C14orf132: variants seen among roughly 807,000 people sequenced by gnomAD.
C14orf132 encodes chromosome 14 open reading frame 132.
In C14orf132, 6 loss-of-function variants were observed where a neutral mutation model predicts 5.8. The ratio of observed to expected loss-of-function variants is 1.03; its 90% CI spans 0.57 to 2.04. C14orf132 has a LOEUF of 2.04. Among genes scored for constraint, C14orf132 ranks in the 30% most tolerant of loss-of-function variants. C14orf132 has a pLI of 0.00. For synonymous variants in C14orf132, 51 were observed against 49.8 expected, an observed-to-expected ratio of 1.02 and a Z score of -0.10; for missense variants, 125 against 115.8, an observed-to-expected ratio of 1.08 and a Z score of -0.37.
intron 1 of C14orf132, among the ~76,000 whole-genome samples, chr14:96,071,413 G>C (rs570786685): frequency 1.3e-5 from 2 of 152,108 alleles, no homozygotes; most frequent in East Asian, 3.9e-4. Flanking sequence ...CTCTTCCTCT[G>C]TTGCCCATGT....
Position 96,093,963 on chromosome 14 carries a change from C to T in C14orf132, c.*7228C>T, listed in dbSNP as rs1888500894. On this transcript the variant is annotated 3_prime_UTR_variant, in exon 2 of 2. Transcript: ENST00000555004. ...TACTCAGCTTTAAATGGCTCAGCCC[C>T]AGCGTCACCTCCATTCTGATGCTTT... is the stretch of plus-strand genomic sequence containing the variant. 1 of 152,200 alleles carries T rather than the reference C, an allele frequency of 6.6e-6. No individual in the cohort carries two copies. The highest frequency in any genetic ancestry group is 2.4e-5 in the African/African-American group (1 of 41,430). The allele number at this position is 152,200 out of a possible 1,614,324, so 9.4% of individuals were successfully genotyped here.
intron 1 of C14orf132, chr14:96,051,147 A>G (rs1042742043): frequency 1.0e-5 from 4 of 398,520 alleles, no homozygotes; most frequent in Admixed American, 4.4e-5. Flanking sequence ...GGGGAATAAC[A>G]AGTGAGGATG....
chr14:96,074,593 A>ATTTTTTTTTTTTT, intron 1 of C14orf132, among the ~76,000 whole-genome samples: 1 of 150,850 alleles, frequency 6.6e-6, no homozygotes. Context: ...TTTGTGTAAG[A>ATTTTTTTTTTTTT]GATTGGGTTC....
At chr14:96,073,262 C>T (rs1172232032) in intron 1 of C14orf132, among the ~76,000 whole-genome samples, 1 of 151,950 alleles carries the variant, frequency 6.6e-6, no homozygotes, top group Non-Finnish European at 1.5e-5. Context: ...TGTTTATTTG[C>T]CCTCTGTATA....
rs150225398 is a variant in C14orf132, at chr14:96,049,554, A to G, written c.27+10027A>G. Among the ~76,000 whole-genome samples, 154 of 135,068 alleles carry G rather than the reference A, an allele frequency of 1.1e-3. 5 individuals are homozygous for G. Among genetic ancestry groups the G allele is most frequent in the East Asian group, 9.2e-3 (45 of 4,918 alleles). The allele number at this position is 135,068 out of a possible 152,430, so 88.6% of individuals were successfully genotyped here. On this transcript the variant is annotated intron_variant, in intron 1 of 1. Transcript: ENST00000555004. ...CATATATACATACGTATATATATAC[A>G]TATATACGTATATATACATATATAC... is the stretch of plus-strand genomic sequence containing the variant.
intron 1 of C14orf132, among the ~76,000 whole-genome samples, chr14:96,079,390 T>G (rs1887966548): frequency 6.6e-6 from 1 of 152,228 alleles, no homozygotes; most frequent in Non-Finnish European, 1.5e-5. Flanking sequence ...CTGTGTTGCC[T>G]CTTTCTAGCC....
intron 1 of C14orf132, among the ~76,000 whole-genome samples, chr14:96,046,874 G>T (rs1886845094): frequency 6.6e-6 from 1 of 152,218 alleles, no homozygotes; most frequent in South Asian, 2.1e-4. Context: ...TCCTATTGGA[G>T]AGGTGATTTT....
chr14:96,065,360 A>G (rs1393382841), intron 1 of C14orf132, among the ~76,000 whole-genome samples: 1 of 152,114 alleles, frequency 6.6e-6, no homozygotes. Context: ...GTTTCATGCC[A>G]TGATTACTAC....
intron 1 of C14orf132, among the ~76,000 whole-genome samples, chr14:96,054,180 G>A (rs934988034): frequency 6.6e-6 from 1 of 152,146 alleles, no homozygotes; most frequent in Non-Finnish European, 1.5e-5. Context: ...CTTATGCAGG[G>A]TGAGTCACCC....
At chr14:96,049,253 T>C (rs932173360) in intron 1 of C14orf132, among the ~76,000 whole-genome samples, 1 of 152,168 alleles carries the variant, frequency 6.6e-6, no homozygotes, top group East Asian at 1.9e-4. Context: ...CAGGTTTTTC[T>C]GTGGACATAA....
At chr14:96,084,074 A>C (rs566673817) in intron 1 of C14orf132, among the ~76,000 whole-genome samples, 1 of 152,362 alleles carries the variant, frequency 6.6e-6, no homozygotes, top group Admixed American at 6.5e-5. Context: ...CATCTCATTC[A>C]CATTTGCCCT....
intron 1 of C14orf132, among the ~76,000 whole-genome samples, chr14:96,058,381 C>A (rs1887242474): frequency 6.6e-6 from 1 of 152,120 alleles, no homozygotes; most frequent in South Asian, 2.1e-4. Context: ...CACCTCAACT[C>A]ACCTCCCCCT....
intron 1 of C14orf132, among the ~76,000 whole-genome samples, chr14:96,065,084 G>A (rs771254016): frequency 3.9e-5 from 6 of 152,006 alleles, no homozygotes; most frequent in Non-Finnish European, 7.4e-5. Flanking sequence ...CATGTGTAGC[G>A]GTCGGGGGAG....
intron 1 of C14orf132, among the ~76,000 whole-genome samples, chr14:96,057,269 TGTGAG>T (rs1321881436): frequency 6.6e-6 from 1 of 152,212 alleles, no homozygotes; most frequent in Admixed American, 6.5e-5. Flanking sequence ...CCTTGCACTT[TGTGAG>T]GACACAGCCT....
intron 1 of C14orf132, among the ~76,000 whole-genome samples, chr14:96,069,786 A>G (rs1474129967): frequency 6.6e-6 from 1 of 152,220 alleles, no homozygotes; most frequent in Non-Finnish European, 1.5e-5. Context: ...GGACCTCAAC[A>G]TGTATTATTT....
intron 1 of C14orf132, among the ~76,000 whole-genome samples, chr14:96,082,208 C>T (rs1413640350): frequency 6.6e-6 from 1 of 152,154 alleles, no homozygotes; most frequent in African/African-American, 2.4e-5. Context: ...GTGAGAAAAC[C>T]CTGTTGCTCA....
At chr14:96,052,257 G>T (rs373722754) in intron 1 of C14orf132, among the ~76,000 whole-genome samples, 1 of 152,252 alleles carries the variant, frequency 6.6e-6, no homozygotes, top group South Asian at 2.1e-4. Context: ...AGCCTGTCTG[G>T]GCAGAGTGGA....
At chr14:96,085,501 C>A (rs968031141) in intron 1 of C14orf132, among the ~76,000 whole-genome samples, 1 of 152,156 alleles carries the variant, frequency 6.6e-6, no homozygotes, top group African/African-American at 2.4e-5. Flanking sequence ...CCACCTCCCA[C>A]CTGAAGTCTG....
chr14:96,071,186 G>A (rs1049958721), intron 1 of C14orf132, among the ~76,000 whole-genome samples: 18 of 152,146 alleles, frequency 1.2e-4, no homozygotes, highest in Admixed American at 3.3e-4. Flanking sequence ...TTCACATGAT[G>A]GCAGGAAGGA....
Sources: allele counts gnomAD v4.1 joint callset (sites outside exome capture counted in the v4.1 genomes callset), GRCh38; gene constraint gnomAD v4.1.1; transcripts MANE v1.5; gene names NCBI Gene and HGNC (gene_info 2026-07-23, HGNC 2026-07-21).